Variants in OLA1 observed in about 807,000 individuals in gnomAD.
The protein encoded by OLA1 is Obg like ATPase 1.
In OLA1, 14 loss-of-function variants were observed where a neutral mutation model predicts 48.4. That is an observed-to-expected ratio of 0.29 (90% confidence interval 0.19 to 0.45). The LOEUF (loss-of-function observed/expected upper bound fraction) is 0.45. OLA1 is among the 20% of genes least tolerant of loss of function. The probability of loss-of-function intolerance (pLI) is 1.00; values close to 1 mark genes in which losing one functional copy is unlikely to be tolerated. For missense variants in OLA1, 325 were observed against 467.1 expected, an observed-to-expected ratio of 0.70 and a Z score of 2.80; for synonymous variants, 127 against 150.4, an observed-to-expected ratio of 0.84 and a Z score of 1.14.
intron 7 of OLA1, among the ~76,000 whole-genome samples, chr2:174,085,016 G>A (rs1057031039): frequency 6.6e-6 from 1 of 152,168 alleles, no homozygotes; most frequent in African/African-American, 2.4e-5. Context: ...AAATCTGTCT[G>A]AGCAGATTAC....
At chr2:174,144,236 CT>C (rs1274419609) in intron 4 of OLA1, among the ~76,000 whole-genome samples, 1 of 152,152 alleles carries the variant, frequency 6.6e-6, no homozygotes, top group Non-Finnish European at 1.5e-5. Flanking sequence ...TCTATTCCCC[CT>C]ACTATAAGAA....
chr2:174,152,060 T>C (rs1019525893), intron 4 of OLA1, among the ~76,000 whole-genome samples: 1 of 152,214 alleles, frequency 6.6e-6, no homozygotes, highest in African/African-American at 2.4e-5. Context: ...CTAAAGCTTG[T>C]AATATGTATC....
At chr2:174,132,715 T>C (rs1374722724) in intron 5 of OLA1, among the ~76,000 whole-genome samples, 1 of 152,164 alleles carries the variant, frequency 6.6e-6, no homozygotes, top group African/African-American at 2.4e-5. Context: ...TCTTTATGAC[T>C]TCAATAATTT....
In OLA1 at chr2:174,083,479, T is replaced by G. The variant is rs78481148; in HGVS notation, c.729-1415A>C. On this transcript the variant is annotated intron_variant, in intron 7 of 10. Coordinates refer to ENST00000284719, the MANE Select transcript of OLA1 (RefSeq NM_013341.5). ...GTTTTCAATCTTCATAATAGTATTTTTTCTTTTGTTCATATCCCAAAAAAT... is the reference window on the plus strand; with the variant it reads ...GTTTTCAATCTTCATAATAGTATTTGTTCTTTTGTTCATATCCCAAAAAAT... 7.9e-4 allele frequency among the ~76,000 whole-genome samples: 121 copies of G among 152,270 alleles called. 3 individuals carry two copies. In the East Asian group the frequency reaches 0.022, roughly 27 times the overall value.
chr2:174,229,195 A>C, intron 3 of OLA1, 113 bp downstream of exon 3: 3 of 1,129,488 alleles, frequency 2.7e-6, no homozygotes, highest in Non-Finnish European at 3.9e-6. Context: ...TTTTATAATC[A>C]CCCAAAACAA....
intron 4 of OLA1, among the ~76,000 whole-genome samples, chr2:174,151,848 C>T (rs948828167): frequency 2.6e-5 from 4 of 151,968 alleles, no homozygotes; most frequent in Non-Finnish European, 5.9e-5. Context: ...CATTGGGGTG[C>T]GAGTGGGGAT....
intron 4 of OLA1, among the ~76,000 whole-genome samples, chr2:174,194,066 G>C (rs1384650360): frequency 1.3e-5 from 2 of 152,174 alleles, no homozygotes; most frequent in Non-Finnish European, 2.9e-5. Context: ...CCTAAGGCTT[G>C]CTGTGCTTAC....
intron 4 of OLA1, among the ~76,000 whole-genome samples, chr2:174,212,304 T>C (rs777160196): frequency 8.5e-5 from 13 of 152,150 alleles, no homozygotes; most frequent in African/African-American, 1.2e-4. Flanking sequence ...TATTTAAATA[T>C]AAAGTACAGT....
intron 4 of OLA1, among the ~76,000 whole-genome samples, chr2:174,203,888 G>C (rs908239083): frequency 6.6e-6 from 1 of 150,484 alleles, no homozygotes; most frequent in Non-Finnish European, 1.5e-5. Context: ...TCTGCCGCCC[G>C]GGTTCAAGTG....
intron 7 of OLA1, among the ~76,000 whole-genome samples, chr2:174,106,215 T>G (rs1050489584): frequency 6.6e-5 from 10 of 152,110 alleles, no homozygotes; most frequent in Admixed American, 3.3e-4. Context: ...GACAATCTAA[T>G]TCATACTAAT....
chr2:174,219,190 C>T (rs1456304910), intron 4 of OLA1, among the ~76,000 whole-genome samples: 3 of 151,256 alleles, frequency 2.0e-5, no homozygotes, highest in South Asian at 2.1e-4. Flanking sequence ...TGACTGTAAT[C>T]CCAGCACTTT....
In OLA1 at chr2:174,123,708, T is replaced by C. The variant is rs1685976480; in HGVS notation, c.550-33A>G. The C allele has an allele frequency of 8.7e-6, 10 of 1,152,602 alleles. No individual in the cohort carries two copies. The East Asian group carries it at 1.3e-4, about 14-fold the overall frequency. 71.4% of individuals were successfully genotyped at this position (1,152,602 alleles called of 1,614,324 possible). On this transcript the variant is annotated intron_variant, in intron 5 of 10. Transcript: ENST00000284719. ...TGATTGAGAAAAAGGTAAATATATA[T>C]GAATAACTAAACATTTAGATACTAA...
chr2:174,242,113 G>A (rs923188988), intron 2 of OLA1, among the ~76,000 whole-genome samples: 12 of 152,140 alleles, frequency 7.9e-5, no homozygotes, highest in Admixed American at 2.0e-4. Flanking sequence ...CTGACCCTTC[G>A]GATAACCAGC....
At chr2:174,095,441 C>T (rs1380183096) in intron 7 of OLA1, among the ~76,000 whole-genome samples, 4 of 147,148 alleles carry the variant, frequency 2.7e-5, no homozygotes, top group East Asian at 2.0e-4. Context: ...TGATTACTGA[C>T]GTTGTGCATC....
At position 174,148,426 on chromosome 2, in the gene OLA1, G is replaced by GT. The variant is rs1332384969; in HGVS notation, c.374-6427dup. Among the ~76,000 whole-genome samples, 7 of 152,038 alleles carry GT rather than the reference G, an allele frequency of 4.6e-5. No individual in the cohort carries two copies. In the East Asian group the frequency reaches 1.4e-3, roughly 29 times the overall value. On this transcript the variant is annotated intron_variant, in intron 4 of 10. Transcript: ENST00000284719. The stretch of plus-strand genomic sequence containing the variant: ...ACAAAACAAAAAACACAATAAACAA[G>GT]TTTAATTTGCACAAGGAGAAATACT...
intron 7 of OLA1, among the ~76,000 whole-genome samples, chr2:174,088,160 A>T (rs1392769837): frequency 6.6e-6 from 1 of 152,250 alleles, no homozygotes; most frequent in Admixed American, 6.5e-5. Context: ...GTAACGTAGC[A>T]TCATTCAGTC....
Position 174,081,924 on chromosome 2 carries a change from C to T in OLA1, c.869G>A (p.Ser290Asn). 6.2e-7 allele frequency: 1 copy of T among 1,610,860 alleles called. No individual in the cohort carries two copies. The highest frequency in any genetic ancestry group is 8.5e-7 in the Non-Finnish European group (1 of 1,178,986). Residue 290 changes from serine to asparagine, a missense_variant and splice_region_variant, in exon 8 of 11, where the codon AGT (serine) becomes AAT (asparagine). Physicochemically the swap from Ser to Asn is conservative, Grantham distance 46. Transcript: ENST00000284719. Reference protein sequence around the residue: ...QKYLEANMTQSALPKIIKAGF... With the variant: ...QKYLEANMTQNALPKIIKAGF... ...GTAGGGAAAATGAATGCTAATTAAC[C>T]TTTGTGTCATGTTCGCTTCCAGATA...
At chr2:174,107,485 C>A (rs1246280582) in intron 7 of OLA1, among the ~76,000 whole-genome samples, 1 of 151,966 alleles carries the variant, frequency 6.6e-6, no homozygotes, top group Non-Finnish European at 1.5e-5. Context: ...AGGTAACATT[C>A]GAGTAGTGTT....
chr2:174,104,525 A>G (rs1379138274), intron 7 of OLA1, among the ~76,000 whole-genome samples: 1 of 152,110 alleles, frequency 6.6e-6, no homozygotes, highest in Non-Finnish European at 1.5e-5. Flanking sequence ...TTGACAAACG[A>G]TAAGCTATGA....
Sources: allele counts gnomAD v4.1 joint callset (sites outside exome capture counted in the v4.1 genomes callset), GRCh38; gene constraint gnomAD v4.1.1; transcripts MANE v1.5; gene names NCBI Gene and HGNC (gene_info 2026-07-23, HGNC 2026-07-21).